RBMS3: variants seen among roughly 807,000 people sequenced by gnomAD.
RBMS3 encodes RNA-binding motif, single-stranded-interacting protein 3.
In RBMS3, 27 loss-of-function variants were observed where a neutral mutation model predicts 66.8. That is an observed-to-expected ratio of 0.40 (90% confidence interval 0.30 to 0.56). RBMS3 has a LOEUF of 0.56. Among genes scored for constraint, RBMS3 ranks in the 20% least tolerant of loss-of-function variants. The pLI is 0.40. For synonymous variants in RBMS3, 188 were observed against 183.0 expected (o/e 1.03, Z -0.22); for missense variants, 513 against 549.5 (o/e 0.93, Z 0.66).
At chr3:29,662,937 A>G (rs59874834) in intron 4 of RBMS3, among the ~76,000 whole-genome samples, 5,374 of 152,292 alleles carry the variant, frequency 0.035, 207 homozygotes, top group African/African-American at 0.09. Flanking sequence ...TTTAATAAAT[A>G]TGTGGGGATT....
chr3:29,642,105 C>T (rs1308575887), intron 4 of RBMS3, among the ~76,000 whole-genome samples: 1 of 152,074 alleles, frequency 6.6e-6, no homozygotes, highest in Non-Finnish European at 1.5e-5. Flanking sequence ...AGGCTCACTG[C>T]TGATATTTTA....
chr3:29,549,059 GTTTTTTTTTTTTT>G (rs5847579), intron 3 of RBMS3, among the ~76,000 whole-genome samples: 1 of 85,364 alleles, frequency 1.2e-5, no homozygotes, highest in Non-Finnish European at 2.3e-5. Flanking sequence ...TCCTACTTCT[GTTTTTTTTTTTTT>G]TTTTTTTTTT....
chr3:29,968,333 C>A (rs991877984), intron 12 of RBMS3, among the ~76,000 whole-genome samples: 2 of 152,200 alleles, frequency 1.3e-5, no homozygotes, highest in African/African-American at 4.8e-5. Context: ...TAGCCAGATT[C>A]ATGCCCTCCC....
Position 29,814,449 on chromosome 3 carries a change from G to T in RBMS3, c.637+51460G>T, listed in dbSNP as rs905803182. 9.9e-5 allele frequency among the ~76,000 whole-genome samples: 15 copies of T among 151,920 alleles called. No homozygotes were observed. The South Asian group carries it at 1.0e-3, about 11-fold the overall frequency. On this transcript the variant is annotated intron_variant, in intron 6 of 14. Transcript: ENST00000383767. ...ATATTGGTCTAAAATTCTCTTTTTT[G>T]GTTGTGTCTCTGCCAGGCTTTGGTA...
At chr3:29,322,786 A>G (rs936826934) in intron 1 of RBMS3, among the ~76,000 whole-genome samples, 4 of 152,162 alleles carry the variant, frequency 2.6e-5, no homozygotes, top group Non-Finnish European at 5.9e-5. Flanking sequence ...GAGAGGGTTT[A>G]TAAATGATTG....
intron 3 of RBMS3, among the ~76,000 whole-genome samples, chr3:29,554,700 A>G (rs1157482265): frequency 6.6e-6 from 1 of 152,194 alleles, no homozygotes; most frequent in Non-Finnish European, 1.5e-5. Context: ...TTGAGCTAAA[A>G]TAAAAGTAAC....
At chr3:29,700,912 T>G (rs1352946692) in intron 4 of RBMS3, among the ~76,000 whole-genome samples, 1 of 152,120 alleles carries the variant, frequency 6.6e-6, no homozygotes, top group African/African-American at 2.4e-5. Flanking sequence ...GATTGGACAT[T>G]GCGCTTTTTA....
rs565063180 is a variant in RBMS3, at chr3:29,673,775, C to A, written c.400-65945C>A. ...AGGCAATAGTTAATAGCCTACCAAC[C>A]AAAAAAGTCCAGGACCAGACGGATT... On this transcript the variant is annotated intron_variant, in intron 4 of 14. Transcript: ENST00000383767. 5.9e-5 allele frequency among the ~76,000 whole-genome samples: 9 copies of A among 152,072 alleles called. No homozygotes were observed. In the South Asian group the frequency reaches 1.9e-3, roughly 32 times the overall value.
intron 1 of RBMS3, among the ~76,000 whole-genome samples, chr3:29,428,296 G>C (rs2041041559): frequency 6.6e-6 from 1 of 152,028 alleles, no homozygotes. Context: ...AGTGCAACTA[G>C]CATCTAGTAG....
At chr3:29,711,404 G>A (rs2053163357) in intron 4 of RBMS3, among the ~76,000 whole-genome samples, 1 of 152,090 alleles carries the variant, frequency 6.6e-6, no homozygotes, top group African/African-American at 2.4e-5. Flanking sequence ...AACAAATTTG[G>A]GAAGAGAGTT....
intron 3 of RBMS3, among the ~76,000 whole-genome samples, chr3:29,563,450 T>G (rs12715158): frequency 0.24 from 36,281 of 152,010 alleles, 5,531 homozygotes; most frequent in East Asian, 0.43. Flanking sequence ...ATTTCTGCAG[T>G]GGGTAAAGAC....
At chr3:29,768,830 A>T (rs1392035668) in intron 6 of RBMS3, among the ~76,000 whole-genome samples, 1 of 151,896 alleles carries the variant, frequency 6.6e-6, no homozygotes, top group African/African-American at 2.4e-5. Flanking sequence ...TTCCTTTATT[A>T]GCATTTTCCC....
At chr3:29,340,357 T>A (rs1447220093) in intron 1 of RBMS3, among the ~76,000 whole-genome samples, 1 of 152,182 alleles carries the variant, frequency 6.6e-6, no homozygotes, top group African/African-American at 2.4e-5. Flanking sequence ...TTTCTGTTTT[T>A]TATTTGGCCA....
At chr3:29,942,498 G>C (rs2149700810) in intron 11 of RBMS3, among the ~76,000 whole-genome samples, 1 of 151,914 alleles carries the variant, frequency 6.6e-6, no homozygotes, top group East Asian at 1.9e-4. Flanking sequence ...ACTTCAGCCT[G>C]AATGATGGAG....
chr3:29,462,615 T>C (rs1281991184), intron 2 of RBMS3, among the ~76,000 whole-genome samples: 1 of 152,196 alleles, frequency 6.6e-6, no homozygotes, highest in African/African-American at 2.4e-5. Context: ...ACTCAGACCT[T>C]AGAATGGATA....
intron 12 of RBMS3, among the ~76,000 whole-genome samples, chr3:29,986,152 T>A (rs1048787016): frequency 3.3e-5 from 5 of 152,228 alleles, no homozygotes; most frequent in African/African-American, 9.6e-5. Context: ...ATAGTAAACC[T>A]TGGAAACCCA....
chr3:29,598,181 C>T (rs1397744017), intron 4 of RBMS3, among the ~76,000 whole-genome samples: 3 of 152,104 alleles, frequency 2.0e-5, no homozygotes, highest in Non-Finnish European at 2.9e-5. Flanking sequence ...CTTATAAAGA[C>T]ACAATATCAA....
intron 4 of RBMS3, among the ~76,000 whole-genome samples, chr3:29,652,116 C>T (rs1254929919): frequency 1.3e-5 from 2 of 152,108 alleles, no homozygotes; most frequent in East Asian, 1.9e-4. Flanking sequence ...AGATGTCTTT[C>T]ATCCCGAACA....
intron 4 of RBMS3, among the ~76,000 whole-genome samples, chr3:29,702,833 T>C (rs2052688488): frequency 6.6e-6 from 1 of 152,170 alleles, no homozygotes; most frequent in African/African-American, 2.4e-5. Context: ...GAACAAACTC[T>C]GGACACACCA....
Sources: gnomAD v4.1 joint callset for allele counts (sites outside exome capture counted in the v4.1 genomes callset) on GRCh38, gnomAD v4.1.1 for gene constraint, MANE v1.5 for transcripts, NCBI Gene and HGNC (gene_info 2026-07-23, HGNC 2026-07-21) for gene names.